Variants in ARHGEF33 observed in about 807,000 individuals in gnomAD.
ARHGEF33 encodes the protein DH and coiled-coil domain-containing protein ENSP00000381780.
ARHGEF33 carries 72 observed loss-of-function variants against 101.9 expected under a neutral mutation model. The observed-to-expected ratio is 0.71, with a 90% CI of 0.58 to 0.86. ARHGEF33 has a LOEUF of 0.86. ARHGEF33 is among the 40% of genes least tolerant of loss of function. The probability of loss-of-function intolerance (pLI) is 0.00; values close to 1 mark genes in which losing one functional copy is unlikely to be tolerated. For synonymous variants in ARHGEF33, 499 were observed against 442.5 expected (o/e 1.13, Z -1.60); for missense variants, 1,169 against 1,111.3 (o/e 1.05, Z -0.74).
chr2:38,970,771 G>T (rs986495978), intron 17 of ARHGEF33, among the ~76,000 whole-genome samples: 2 of 152,156 alleles, frequency 1.3e-5, no homozygotes, highest in African/African-American at 4.8e-5. Context: ...TTAAATGAAT[G>T]CTCATTTCCT....
rs779358434 is a variant in ARHGEF33 at position 38,945,431 on chromosome 2, A to C, written c.920+1401A>C. Among the ~76,000 whole-genome samples, 18 of 152,362 alleles carry C rather than the reference A, an allele frequency of 1.2e-4. 1 individual carries two copies. Among genetic ancestry groups the C allele is most frequent in the Non-Finnish European group, 2.5e-4 (17 of 68,036 alleles). On this transcript the variant is annotated intron_variant, in intron 10 of 17. Transcript: ENST00000409978. ...CAAATATGAAGCAACAAGAACAGAA[A>C]GGCTAAGGTGACCCAGCTAAAGCTG...
chr2:38,960,253 T>A lies in ARHGEF33; in HGVS notation c.1948T>A (p.Ser650Thr). The A allele has an allele frequency of 6.5e-7, 1 of 1,548,014 alleles. No individual in the cohort carries two copies. Among genetic ancestry groups the A allele is most frequent in the Non-Finnish European group, 8.7e-7 (1 of 1,146,172 alleles). Residue 650 changes from serine to threonine, a missense_variant, in exon 16 of 18, where the codon TCC becomes ACC. Coordinates refer to ENST00000409978, the MANE Select transcript of ARHGEF33 (RefSeq NM_001145451.5). Reference protein sequence around the residue: ...FENCSPASSESSLDICFLRPV... With the variant: ...FENCSPASSETSLDICFLRPV... ...GAACTGCTCGCCTGCCTCCTCCGAGTCCAGCCTGGACATCTGCTTCCTGCG... is the reference window on the plus strand; with the variant it reads ...GAACTGCTCGCCTGCCTCCTCCGAGACCAGCCTGGACATCTGCTTCCTGCG...
intron 2 of ARHGEF33, among the ~76,000 whole-genome samples, chr2:38,896,852 G>C (rs1399238212): frequency 6.6e-6 from 1 of 152,098 alleles, no homozygotes. Flanking sequence ...CTCTTTCCAA[G>C]CATAACCACT....
At chr2:38,944,876 G>GTTGT (rs112521380) in intron 10 of ARHGEF33, among the ~76,000 whole-genome samples, 1 of 145,648 alleles carries the variant, frequency 6.9e-6, no homozygotes, top group African/African-American at 2.6e-5. Context: ...GTAATGCATG[G>GTTGT]GTGTGTGTGT....
At chr2:38,932,785 T>C (rs1394956710) in intron 7 of ARHGEF33, among the ~76,000 whole-genome samples, 4 of 152,244 alleles carry the variant, frequency 2.6e-5, no homozygotes, top group African/African-American at 9.6e-5. Flanking sequence ...TGGACTCCAC[T>C]GAAAACAGCT....
chr2:38,966,569 T>C (rs1668056723), intron 17 of ARHGEF33, among the ~76,000 whole-genome samples: 1 of 152,180 alleles, frequency 6.6e-6, no homozygotes, highest in Admixed American at 6.5e-5. Flanking sequence ...CGCTTCTGCA[T>C]TTAGGGGCCT....
chr2:38,959,746 C>T (rs879485023), intron 15 of ARHGEF33, 95 bp from the exon 16 acceptor site: 1 of 1,357,608 alleles, frequency 7.4e-7, no homozygotes, highest in Non-Finnish European at 9.8e-7. Flanking sequence ...TGCACAGGCG[C>T]CTCGGAGCGC....
chr2:38,937,115 C>T (rs1376023317), intron 8 of ARHGEF33: 5 of 447,386 alleles, frequency 1.1e-5, no homozygotes, highest in South Asian at 2.6e-5. Context: ...CTGCCTCAGC[C>T]TCCTGAGTAG....
intron 4 of ARHGEF33, among the ~76,000 whole-genome samples, chr2:38,925,994 TAAG>T (rs1379593829): frequency 6.6e-6 from 1 of 152,128 alleles, no homozygotes; most frequent in Non-Finnish European, 1.5e-5. Flanking sequence ...AAATTCATCT[TAAG>T]AAGAGTTAAG....
chr2:38,921,021 G>A (rs1429153381), intron 3 of ARHGEF33, among the ~76,000 whole-genome samples: 1 of 152,144 alleles, frequency 6.6e-6, no homozygotes, highest in Non-Finnish European at 1.5e-5. Flanking sequence ...AACTGTCCCT[G>A]CAGGTCAATT....
intron 2 of ARHGEF33, among the ~76,000 whole-genome samples, chr2:38,914,258 G>A (rs1367916039): frequency 6.6e-6 from 1 of 152,208 alleles, no homozygotes; most frequent in African/African-American, 2.4e-5. Flanking sequence ...GTACCAAGAT[G>A]TTTGTTGTGG....
At chr2:38,927,657 C>G (rs1666904955) in intron 4 of ARHGEF33, among the ~76,000 whole-genome samples, 1 of 152,242 alleles carries the variant, frequency 6.6e-6, no homozygotes, top group South Asian at 2.1e-4. Flanking sequence ...GATCATGCCA[C>G]TGCACTCCAG....
Position 38,920,820 on chromosome 2 carries a change from C to T in ARHGEF33, c.26-554C>T, listed in dbSNP as rs183422505. On this transcript the variant is annotated intron_variant, in intron 3 of 17. Transcript: ENST00000409978. ...GCCTGCATCCTTCCCAGAACCTTTCCGTTGACAATTCCTTTTATCAGCCCT... is the reference window on the plus strand; with the variant it reads ...GCCTGCATCCTTCCCAGAACCTTTCTGTTGACAATTCCTTTTATCAGCCCT... Among the ~76,000 whole-genome samples the T allele has an allele frequency of 1.3e-3, 202 of 152,234 alleles. 2 individuals carry two copies. Among genetic ancestry groups the T allele is most frequent in the African/African-American group, 4.8e-3 (199 of 41,524 alleles).
intron 2 of ARHGEF33, among the ~76,000 whole-genome samples, chr2:38,911,725 TC>T (rs1666513823): frequency 6.6e-6 from 1 of 152,110 alleles, no homozygotes; most frequent in Non-Finnish European, 1.5e-5. Flanking sequence ...AGGAAATCCT[TC>T]CCCGCCAGGC....
intron 1 of ARHGEF33, among the ~76,000 whole-genome samples, chr2:38,890,720 CT>C (rs1665978225): frequency 6.6e-6 from 1 of 152,124 alleles, no homozygotes. Flanking sequence ...TTAATAGCCC[CT>C]TTTAATACAA....
At position 38,929,901 on chromosome 2, in the gene ARHGEF33, C is replaced by T. The variant is rs1405465718; in HGVS notation, c.362+71C>T. 3.7e-6 allele frequency: 5 copies of T among 1,366,764 alleles called. No homozygotes were observed. The East Asian group carries it at 1.0e-4, about 27-fold the overall frequency. 84.7% of individuals were successfully genotyped at this position (1,366,764 alleles called of 1,614,324 possible). A position where few individuals can be genotyped will look rare whatever the true frequency, so the allele number is the denominator to read the frequency against. On this transcript the variant is annotated intron_variant, in intron 6 of 17. Coordinates refer to ENST00000409978, the MANE Select transcript of ARHGEF33 (RefSeq NM_001145451.5). ...GGCTTCTGCAGAGGCACCTGGTACACATTCCCCACTATCAGTGTATAGCTA... is the reference window on the plus strand; with the variant it reads ...GGCTTCTGCAGAGGCACCTGGTACATATTCCCCACTATCAGTGTATAGCTA...
At chr2:38,950,959 T>C (rs1316884159) in intron 10 of ARHGEF33, 30 bp from the exon 11 acceptor site, 1 of 1,547,320 alleles carries the variant, frequency 6.5e-7, no homozygotes, top group Non-Finnish European at 8.7e-7. Context: ...ACACCTTGTT[T>C]GTGTGATTCC....
intron 1 of ARHGEF33, among the ~76,000 whole-genome samples, chr2:38,894,435 G>A (rs80184834): frequency 2.7e-4 from 28 of 104,660 alleles, no homozygotes; most frequent in Admixed American, 3.0e-4. Context: ...AAAAAAAAAA[G>A]AATAATAATA....
chr2:38,955,759 C>G (rs987671690), intron 13 of ARHGEF33, among the ~76,000 whole-genome samples: 1 of 151,938 alleles, frequency 6.6e-6, no homozygotes, highest in East Asian at 1.9e-4. Context: ...TCACTGCAAC[C>G]TCCGCCTCCC....
Sources: gnomAD v4.1 joint callset for allele counts (sites outside exome capture counted in the v4.1 genomes callset) on GRCh38, gnomAD v4.1.1 for gene constraint, MANE v1.5 for transcripts, NCBI Gene and HGNC (gene_info 2026-07-23, HGNC 2026-07-21) for gene names.